Variants in CBFA2T3 observed in about 807,000 individuals in gnomAD.
CBFA2T3 encodes transcriptional corepressor CBFA2T3.
Under a neutral mutation model 58.6 loss-of-function variants are expected in CBFA2T3, and 31 were observed. The ratio of observed to expected loss-of-function variants is 0.53; its 90% CI spans 0.40 to 0.71. The LOEUF (loss-of-function observed/expected upper bound fraction) is 0.71, where lower values mean the gene tolerates loss of function less well. CBFA2T3 is among the 30% of genes least tolerant of loss of function. The pLI is 0.00. For missense variants in CBFA2T3, 1,076 were observed against 963.1 expected (o/e 1.12, Z -1.55); for synonymous variants, 531 against 421.9 (o/e 1.26, Z -3.17).
chr16:88,887,647 GA>G (rs1969434973), intron 5 of CBFA2T3, among the ~76,000 whole-genome samples: 1 of 152,210 alleles, frequency 6.6e-6, no homozygotes, highest in Non-Finnish European at 1.5e-5. Context: ...AAGGCCTGCG[GA>G]ATGGGGTGGG....
intron 1 of CBFA2T3, among the ~76,000 whole-genome samples, chr16:88,956,942 G>A (rs1972234108): frequency 6.6e-6 from 1 of 152,250 alleles, no homozygotes; most frequent in South Asian, 2.1e-4. Context: ...CTGAAATGCA[G>A]AGGCTGAACC....
At chr16:88,962,007 T>G (rs964004267) in intron 1 of CBFA2T3, among the ~76,000 whole-genome samples, 11 of 150,696 alleles carry the variant, frequency 7.3e-5, no homozygotes, top group Non-Finnish European at 1.3e-4. Flanking sequence ...TCCCATTCCA[T>G]AGTAACCGAC....
chr16:88,925,245 G>A (rs377291021), intron 1 of CBFA2T3, among the ~76,000 whole-genome samples: 2 of 152,302 alleles, frequency 1.3e-5, no homozygotes, highest in East Asian at 3.9e-4. Flanking sequence ...AGGCAGATGG[G>A]CCGGGCTTGG....
At chr16:88,891,546 G>A (rs1326852665) in intron 5 of CBFA2T3, among the ~76,000 whole-genome samples, 1 of 152,164 alleles carries the variant, frequency 6.6e-6, no homozygotes, top group Non-Finnish European at 1.5e-5. Context: ...AAAATCACCC[G>A]TGGAGTGAGC....
At chr16:88,975,228 C>CCCTCTGCTCCACATCTTT (rs1567644141) in intron 1 of CBFA2T3, among the ~76,000 whole-genome samples, 6 of 100,550 alleles carry the variant, frequency 6.0e-5, no homozygotes, top group Admixed American at 1.0e-4. Context: ...TCCTCACCTG[C>CCCTCTGCTCCACATCTTT]AGCCATGTCA....
rs1319175387 is a variant in CBFA2T3, at chr16:88,876,969, A to G, written c.*7T>C. The G allele has an allele frequency of 7.0e-7, 1 of 1,425,678 alleles. No individual in the cohort carries two copies. Among genetic ancestry groups the G allele is most frequent in the Admixed American group, 2.9e-5 (1 of 34,740 alleles). 88.3% of individuals were successfully genotyped at this position (1,425,678 alleles called of 1,614,324 possible). A position where few individuals can be genotyped will look rare whatever the true frequency, so the allele number is the denominator to read the frequency against. On this transcript the variant is annotated 3_prime_UTR_variant, in exon 12 of 12. Transcript: ENST00000268679. The stretch of plus-strand genomic sequence containing the variant: ...TGCTGTGTCCGGCAGGCCAGGGGCC[A>G]GTGGGGTCAGCGGGGCACGGTGTCC...
intron 1 of CBFA2T3, among the ~76,000 whole-genome samples, chr16:88,976,342 GCCCTCCCA>G (rs1322905771): frequency 6.6e-6 from 1 of 152,112 alleles, no homozygotes; most frequent in Non-Finnish European, 1.5e-5. Flanking sequence ...CCCGGCTGCG[GCCCTCCCA>G]CCCCCAGGAG....
intron 1 of CBFA2T3, among the ~76,000 whole-genome samples, chr16:88,907,784 T>G (rs544098244): frequency 1.4e-4 from 21 of 152,282 alleles, no homozygotes; most frequent in African/African-American, 4.8e-4. Context: ...CTTCTAATTG[T>G]CCCCTCACCC....
intron 2 of CBFA2T3, 22 bp downstream of exon 2, chr16:88,901,482 C>T: frequency 1.4e-6 from 2 of 1,388,172 alleles, no homozygotes; most frequent in Non-Finnish European, 1.9e-6. Context: ...TGGCCCTCGG[C>T]TGCCAGGTGG....
At chr16:88,894,046 G>A (rs894505305) in intron 3 of CBFA2T3, among the ~76,000 whole-genome samples, 7 of 152,122 alleles carry the variant, frequency 4.6e-5, no homozygotes, top group African/African-American at 1.7e-4. Context: ...GCTGGCTCCC[G>A]CCTCCTGCAG....
At chr16:88,881,983 G>C (rs775349942) in intron 8 of CBFA2T3, among the ~76,000 whole-genome samples, 1 of 152,222 alleles carries the variant, frequency 6.6e-6, no homozygotes, top group Admixed American at 6.5e-5. Context: ...CACTGCTTTT[G>C]CCCACACTTC....
At chr16:88,893,486 C>T (rs1429831618) in intron 3 of CBFA2T3, among the ~76,000 whole-genome samples, 2 of 152,220 alleles carry the variant, frequency 1.3e-5, no homozygotes, top group African/African-American at 2.4e-5. Flanking sequence ...CATTTGCACA[C>T]AGCCCCAACG....
At position 88,885,819 on chromosome 16, in the gene CBFA2T3, C is replaced by T; in HGVS notation, c.893+142G>A. 3 of 717,846 alleles carry T rather than the reference C, an allele frequency of 4.2e-6. No homozygotes were observed. The highest frequency in any genetic ancestry group is 4.6e-6 in the Non-Finnish European group (2 of 436,670). 44.5% of individuals were successfully genotyped at this position (717,846 alleles called of 1,614,324 possible). A position where few individuals can be genotyped will look rare whatever the true frequency, so the allele number is the denominator to read the frequency against. ...CACCAAGCCTGCTGGCCCTAGTACA[C>T]CTCGCCACGCTCCCTCAGCCCGAGA... On this transcript the variant is annotated intron_variant, in intron 6 of 11. Coordinates refer to ENST00000268679, the MANE Select transcript of CBFA2T3 (RefSeq NM_005187.6). This position sits in a 1 kb window ranked among gnomAD's most constrained non-coding sequence, Gnocchi z 5.3.
At position 88,885,580 on chromosome 16, in the gene CBFA2T3, G is replaced by C. The variant is rs1597666335; in HGVS notation, c.894-311C>G. Among the ~76,000 whole-genome samples the C allele has an allele frequency of 6.6e-6, 1 of 152,156 alleles. No individual in the cohort carries two copies. Among genetic ancestry groups the C allele is most frequent in the Non-Finnish European group, 1.5e-5 (1 of 68,012 alleles). Reference sequence around the variant, plus strand: ...GGGATACACCAGGCTTCCGTAACTGGAGACCACCTGCCCCTTGGGCAGCAG... The same window carrying C: ...GGGATACACCAGGCTTCCGTAACTGCAGACCACCTGCCCCTTGGGCAGCAG... On this transcript the variant is annotated intron_variant, in intron 6 of 11. Transcript: ENST00000268679. This position sits in a 1 kb window ranked among gnomAD's most constrained non-coding sequence, Gnocchi z 5.3.
chr16:88,914,867 A>G (rs538922803), intron 1 of CBFA2T3, among the ~76,000 whole-genome samples: 16 of 152,296 alleles, frequency 1.1e-4, no homozygotes, highest in Non-Finnish European at 1.5e-4. Flanking sequence ...GGCCGCACAC[A>G]AAGGAAGCAC....
rs60525885 is a variant in CBFA2T3 at position 88,928,640 on chromosome 16, CAG to C, written c.152-26986_152-26985del. On this transcript the variant is annotated intron_variant, in intron 1 of 11. Transcript: ENST00000268679. ...TATGGGGACCGTCCCTCAGGCAAGA[CAG>C]GGTGCCTGTGTACTGAGCGCCTCGT... Among the ~76,000 whole-genome samples the C allele has an allele frequency of 2.5e-4, 38 of 152,368 alleles. 1 individual carries two copies. In the East Asian group the frequency reaches 7.3e-3, roughly 29 times the overall value.
intron 1 of CBFA2T3, among the ~76,000 whole-genome samples, chr16:88,908,752 T>G (rs959831937): frequency 6.6e-6 from 1 of 152,224 alleles, no homozygotes; most frequent in African/African-American, 2.4e-5. Flanking sequence ...GTAACCTTCT[T>G]TGACCCCTCA....
intron 3 of CBFA2T3, among the ~76,000 whole-genome samples, chr16:88,893,737 C>G (rs1969747279): frequency 1.3e-5 from 2 of 152,240 alleles, no homozygotes; most frequent in South Asian, 4.1e-4. Context: ...GCCTGGCAGA[C>G]ATGGGGCTGC....
At chr16:88,951,581 G>A in intron 1 of CBFA2T3, 1 of 363,970 alleles carries the variant, frequency 2.7e-6, no homozygotes, top group Non-Finnish European at 5.3e-6. Flanking sequence ...CTCCCCTCGG[G>A]TCTGTGGCTT....
Sources: allele counts gnomAD v4.1 joint callset (sites outside exome capture counted in the v4.1 genomes callset), GRCh38; gene constraint gnomAD v4.1.1; non-coding constraint Gnocchi (gnomAD v3.1); transcripts MANE v1.5; gene names NCBI Gene and HGNC (gene_info 2026-07-23, HGNC 2026-07-21).